Variants in TULP3 observed in about 807,000 individuals in gnomAD.
The protein encoded by TULP3 is tubby-related protein 3.
A neutral mutation model predicts 50.7 loss-of-function variants in TULP3; 38 were observed. That is an observed-to-expected ratio of 0.75 (90% CI 0.58 to 0.98). The LOEUF (loss-of-function observed/expected upper bound fraction) is 0.98. TULP3 is among the 50% of genes least tolerant of loss of function. TULP3 has a pLI of 0.00. For synonymous variants in TULP3, 183 were observed against 196.6 expected, an observed-to-expected ratio of 0.93 and a Z score of 0.58; for missense variants, 550 against 568.0, an observed-to-expected ratio of 0.97 and a Z score of 0.32.
At chr12:2,929,959 A>G (rs1341486832) in intron 4 of TULP3, among the ~76,000 whole-genome samples, 2 of 152,122 alleles carry the variant, frequency 1.3e-5, no homozygotes, top group African/African-American at 4.8e-5. Context: ...TGTATTAACA[A>G]TGTTGTGCAA....
intron 1 of TULP3, among the ~76,000 whole-genome samples, chr12:2,892,386 AG>A (rs2098172675): frequency 6.6e-6 from 1 of 152,124 alleles, no homozygotes; most frequent in Non-Finnish European, 1.5e-5. Flanking sequence ...GTGGGCGCTC[AG>A]TTTTAATTCC....
In TULP3 at chr12:2,930,235, C is replaced by G; in HGVS notation, c.395-13C>G. 6.3e-7 allele frequency: 1 copy of G among 1,590,192 alleles called. No homozygotes were observed. Among genetic ancestry groups the G allele is most frequent in the Non-Finnish European group, 8.6e-7 (1 of 1,161,394 alleles). ...AGTGTTGGCAGTGCTAACAGTTCTT[C>G]CTTTTCTGCTAGATATCTCTGAAAG... On this transcript the variant is annotated splice_polypyrimidine_tract_variant and intron_variant, in intron 4 of 10. Transcript: ENST00000448120.
chr12:2,934,520 G>C lies in TULP3; in HGVS notation c.883G>C (p.Gly295Arg). The C allele has an allele frequency of 6.2e-7, 1 of 1,602,422 alleles. No homozygotes were observed. Among genetic ancestry groups the C allele is most frequent in the Non-Finnish European group, 8.5e-7 (1 of 1,174,812 alleles). Residue 295 changes from glycine to arginine, a missense_variant, in exon 8 of 11, where the codon GGA (glycine) becomes CGA (arginine). Transcript: ENST00000448120. ...ICPMKGRGLV[G>R]AAHTRQELAA... ...CCCCATGAAGGGCCGGGGTTTGGTA[G>C]GAGCGGCCCACACCCGGCAGGAGCT...
At chr12:2,913,893 G>C (rs543037911) in intron 2 of TULP3, among the ~76,000 whole-genome samples, 2 of 152,208 alleles carry the variant, frequency 1.3e-5, no homozygotes, top group Non-Finnish European at 2.9e-5. Context: ...ACAGGCATGA[G>C]CCACTGTGCC....
chr12:2,900,509 A>G (rs567416302), intron 1 of TULP3, among the ~76,000 whole-genome samples: 65 of 152,300 alleles, frequency 4.3e-4, no homozygotes, highest in African/African-American at 1.5e-3. Flanking sequence ...GGAGATGGCA[A>G]GCTTTCCTAT....
At chr12:2,900,937 T>TC (rs1362299408) in intron 1 of TULP3, among the ~76,000 whole-genome samples, 1 of 150,060 alleles carries the variant, frequency 6.7e-6, no homozygotes, top group African/African-American at 2.5e-5. Flanking sequence ...GGTCTTGAGC[T>TC]CCTGGGCTCA....
intron 1 of TULP3, among the ~76,000 whole-genome samples, chr12:2,897,104 G>A (rs1463497738): frequency 2.0e-5 from 3 of 152,078 alleles, no homozygotes; most frequent in African/African-American, 7.2e-5. Flanking sequence ...CACCTCCTGG[G>A]TTCAAGCAGT....
At chr12:2,936,343 A>G (rs12820055) in intron 8 of TULP3, among the ~76,000 whole-genome samples, 30,793 of 151,962 alleles carry the variant, frequency 0.2, 3,184 homozygotes, top group South Asian at 0.26. Flanking sequence ...TTTAACCACA[A>G]CTAATTTTCA....
chr12:2,909,618 TATACTGACCG>T (rs1352978823), intron 2 of TULP3, 38 bp downstream of exon 2: 3 of 1,564,684 alleles, frequency 1.9e-6, no homozygotes, highest in Non-Finnish European at 2.6e-6. Flanking sequence ...GGTGGCCAAC[TATACTGACCG>T]TGATGCTGAT....
intron 1 of TULP3, among the ~76,000 whole-genome samples, chr12:2,908,491 C>G (rs1034946): frequency 0.48 from 72,356 of 151,618 alleles, 17,700 homozygotes; most frequent in African/African-American, 0.6. Flanking sequence ...GGAGTGCAAT[C>G]GTGTGATCTT....
At position 2,931,185 on chromosome 12, in the gene TULP3, A is replaced by G; in HGVS notation, c.641A>G (p.Asp214Gly). The change falls in exon 6 of 11, where the codon GAT becomes GGT. Residue 214 changes from aspartate to glycine, a missense_variant. Asp to Gly is a moderately conservative substitution (Grantham distance 94). Transcript: ENST00000448120. ...ATAATCCGGGATAAAAGGGGAATGGATCGGGGTCTCTTCCCCACCTACTAT... is the reference window on the plus strand; with the variant it reads ...ATAATCCGGGATAAAAGGGGAATGGGTCGGGGTCTCTTCCCCACCTACTAT... ...CRIIRDKRGM[D>G]RGLFPTYYMY... 2 of 1,614,232 alleles carry G rather than the reference A, an allele frequency of 1.2e-6. No homozygotes were observed. Among genetic ancestry groups the G allele is most frequent in the Non-Finnish European group, 1.7e-6 (2 of 1,180,040 alleles).
chr12:2,936,856 C>G (rs543582128), intron 8 of TULP3, among the ~76,000 whole-genome samples: 139 of 151,906 alleles, frequency 9.2e-4, no homozygotes, highest in Middle Eastern at 3.4e-3. Context: ...GCCTGTAATC[C>G]CAGCACTTTG....
At chr12:2,891,294 C>T (rs74968713) in intron 1 of TULP3, among the ~76,000 whole-genome samples, 2,233 of 152,204 alleles carry the variant, frequency 0.015, 42 homozygotes, top group Middle Eastern at 0.044. Context: ...CCTCGGGTTT[C>T]CCTCGGGGGA....
chr12:2,920,329 G>A (rs749261935), intron 2 of TULP3, among the ~76,000 whole-genome samples: 17 of 152,156 alleles, frequency 1.1e-4, no homozygotes, highest in Non-Finnish European at 1.5e-4. Context: ...GGGCAATGTC[G>A]GGAAACCCTG....
chr12:2,893,406 T>A (rs558752502), intron 1 of TULP3, among the ~76,000 whole-genome samples: 9 of 151,306 alleles, frequency 5.9e-5, no homozygotes, highest in Admixed American at 2.0e-4. Context: ...TTGGCTTACT[T>A]GCCTCCTGGG....
In TULP3 at chr12:2,922,438, C is replaced by T. The variant is rs545677462; in HGVS notation, c.394+36C>T. The T allele has an allele frequency of 3.7e-5, 59 of 1,591,776 alleles. No individual in the cohort carries two copies. In the African/African-American group the frequency reaches 6.8e-4, roughly 18 times the overall value. On this transcript the variant is annotated intron_variant, in intron 4 of 10. Transcript: ENST00000448120. Reference sequence around the variant, plus strand: ...GTAATGATTTTAAGGCAATTTGTCTCCTTACTCAATTGTAATCTTTTCCTT... The same window carrying T: ...GTAATGATTTTAAGGCAATTTGTCTTCTTACTCAATTGTAATCTTTTCCTT...
Position 2,916,842 on chromosome 12 carries a change from A to T in TULP3, c.94-3921A>T, listed in dbSNP as rs114871840. Among the ~76,000 whole-genome samples, 1,045 of 152,356 alleles carry T rather than the reference A, an allele frequency of 6.9e-3. 11 individuals carry two copies. Among genetic ancestry groups the T allele is most frequent in the African/African-American group, 0.024 (983 of 41,584 alleles). Reference sequence around the variant, plus strand: ...TTGGACAGTAGTAAGATCATTCAATACTGAGGTATAGTAGCTGTGGCCCTG... The same window carrying T: ...TTGGACAGTAGTAAGATCATTCAATTCTGAGGTATAGTAGCTGTGGCCCTG... On this transcript the variant is annotated intron_variant, in intron 2 of 10. Transcript: ENST00000448120.
intron 1 of TULP3, among the ~76,000 whole-genome samples, chr12:2,908,849 T>A (rs2098183880): frequency 4.4e-5 from 5 of 114,666 alleles, no homozygotes; most frequent in Admixed American, 3.4e-4. Flanking sequence ...CATCTGTTCA[T>A]CCATACTTAC....
rs2098202587 is a variant in TULP3 at position 2,938,137 on chromosome 12, G to T, written c.1047G>T (p.Arg349Ser). ...AGAACCATGACAGTTTGCTCTCAAG[G>T]TGGCAGAACAGAACTATGGAAAATC... Reference protein sequence around the residue: ...PQNNHDSLLSRWQNRTMENLV... With the variant: ...PQNNHDSLLSSWQNRTMENLV... The change falls in exon 10 of 11, where the codon AGG (arginine) becomes AGT (serine). Residue 349 changes from arginine (R) to serine (S), a missense_variant. Physicochemically the swap from Arg to Ser is moderately radical, Grantham distance 110. Transcript: ENST00000448120. 6.2e-7 allele frequency: 1 copy of T among 1,614,060 alleles called. No individual in the cohort carries two copies. The highest frequency in any genetic ancestry group is 1.1e-5 in the South Asian group (1 of 91,086).
Sources: allele counts gnomAD v4.1 joint callset (sites outside exome capture counted in the v4.1 genomes callset), GRCh38; gene constraint gnomAD v4.1.1; transcripts MANE v1.5; gene names NCBI Gene and HGNC (gene_info 2026-07-23, HGNC 2026-07-21).